The following DMD variants were observed in gnomAD, a reference collection of about 807,000 sequenced individuals.
DMD encodes the protein dystrophin.
A neutral mutation model predicts 330.1 loss-of-function variants in DMD; 63 were observed. The ratio of observed to expected loss-of-function variants is 0.19; its 90% CI spans 0.16 to 0.24. The LOEUF (loss-of-function observed/expected upper bound fraction) is 0.24, where lower values mean the gene tolerates loss of function less well. Among genes scored for constraint, DMD ranks in the 10% least tolerant of loss-of-function variants. DMD has a pLI of 1.00. For synonymous variants in DMD, 1,223 were observed against 959.8 expected (o/e 1.27, Z -5.07); for missense variants, 3,344 against 2,684.1 (o/e 1.25, Z -5.43).
chrX:32,026,474 C>T (rs2095846253), intron 44 of DMD, among the ~76,000 whole-genome samples: 1 of 112,149 alleles, frequency 8.9e-6, no homozygotes, highest in Non-Finnish European at 1.9e-5. Flanking sequence ...AAGAAAGAAA[C>T]TGTTATATAT....
intron 50 of DMD, among the ~76,000 whole-genome samples, chrX:31,796,797 G>C (rs2091852565): frequency 9.0e-6 from 1 of 111,443 alleles, no homozygotes; most frequent in African/African-American, 3.3e-5. Flanking sequence ...TGCCCTTCCT[G>C]GGGGCAGGTT....
At chrX:31,161,083 T>C (rs889285107) in intron 74 of DMD, among the ~76,000 whole-genome samples, 9 of 111,591 alleles carry the variant, frequency 8.1e-5, no homozygotes, top group Non-Finnish European at 1.7e-4. Context: ...AAATAGGAGT[T>C]CATATGTACT....
intron 12 of DMD, among the ~76,000 whole-genome samples, chrX:32,597,812 C>T (rs1040479864): frequency 8.9e-6 from 1 of 112,034 alleles, no homozygotes; most frequent in Non-Finnish European, 1.9e-5. Flanking sequence ...TAAGACCTTA[C>T]CCTGTTACAC....
chrX:31,282,759 A>G (rs1241700157), intron 62 of DMD, among the ~76,000 whole-genome samples: 1 of 111,164 alleles, frequency 9.0e-6, no homozygotes, highest in East Asian at 2.8e-4. Context: ...AAAAACAAAG[A>G]TCATGCATGA....
At chrX:32,086,829 C>T (rs1294177963) in intron 44 of DMD, among the ~76,000 whole-genome samples, 1 of 111,632 alleles carries the variant, frequency 9.0e-6, no homozygotes, top group Non-Finnish European at 1.9e-5. Flanking sequence ...CAAAAAAAGT[C>T]TTCCGAAGAA....
intron 44 of DMD, among the ~76,000 whole-genome samples, chrX:32,142,173 G>T (rs1367977537): frequency 9.0e-6 from 1 of 111,158 alleles, no homozygotes; most frequent in African/African-American, 3.3e-5. Context: ...CCTACCCAAA[G>T]CCCTGAGGCT....
intron 7 of DMD, among the ~76,000 whole-genome samples, chrX:32,727,273 C>G (rs17318432): frequency 9.0e-6 from 1 of 110,930 alleles, no homozygotes; most frequent in Non-Finnish European, 1.9e-5. Context: ...GTCTTATGTT[C>G]GCACACATTA....
chrX:32,995,985 T>C (rs1179687028), intron 2 of DMD, among the ~76,000 whole-genome samples: 1 of 111,970 alleles, frequency 8.9e-6, no homozygotes, highest in African/African-American at 3.2e-5. Context: ...TTATATTTAA[T>C]GGTGGTAAAG....
intron 21 of DMD, among the ~76,000 whole-genome samples, chrX:32,476,454 A>T (rs1206542357): frequency 9.0e-6 from 1 of 111,645 alleles, no homozygotes; most frequent in Non-Finnish European, 1.9e-5. Flanking sequence ...ACTTCCAAAG[A>T]TTGGTTTGGG....
chrX:31,864,796 C>G (rs1241559820), intron 48 of DMD, among the ~76,000 whole-genome samples: 2 of 111,628 alleles, frequency 1.8e-5, no homozygotes, highest in African/African-American at 6.5e-5. Context: ...TGGCTGAAAG[C>G]CTAATTTTTA....
intron 52 of DMD, among the ~76,000 whole-genome samples, chrX:31,686,254 T>C (rs1213291461): frequency 8.9e-6 from 1 of 112,720 alleles, no homozygotes; most frequent in Non-Finnish European, 1.9e-5. Flanking sequence ...AAATGAGTTG[T>C]ACATGTAGAT....
intron 51 of DMD, among the ~76,000 whole-genome samples, chrX:31,739,778 A>T (rs997293833): frequency 1.8e-5 from 2 of 108,782 alleles, no homozygotes; most frequent in Non-Finnish European, 3.8e-5. Context: ...AAGTAAAATT[A>T]AAAAACTAAA....
At chrX:33,092,278 C>T (rs1160726783) in intron 1 of DMD, among the ~76,000 whole-genome samples, 2 of 111,797 alleles carry the variant, frequency 1.8e-5, no homozygotes, top group East Asian at 5.6e-4. Flanking sequence ...AAAAGTTGTG[C>T]TTTATAATAT....
At chrX:32,938,255 C>T (rs754471473) in intron 2 of DMD, among the ~76,000 whole-genome samples, 3 of 111,262 alleles carry the variant, frequency 2.7e-5, no homozygotes, top group African/African-American at 9.8e-5. Context: ...AAAGGGTTAT[C>T]GAATTTATCG....
chrX:32,441,628 T>C (rs896375498), intron 27 of DMD, among the ~76,000 whole-genome samples: 3 of 111,730 alleles, frequency 2.7e-5, no homozygotes, highest in African/African-American at 9.7e-5. Flanking sequence ...TAAAAATGCA[T>C]ATGTAAATCT....
At chrX:33,131,012 C>T (rs1278708919) in intron 1 of DMD, among the ~76,000 whole-genome samples, 1 of 111,524 alleles carries the variant, frequency 9.0e-6, no homozygotes, top group African/African-American at 3.3e-5. Context: ...GTTTTTCAGT[C>T]ATCCAACTAA....
intron 47 of DMD, among the ~76,000 whole-genome samples, chrX:31,891,768 T>C (rs1304638254): frequency 1.8e-5 from 2 of 111,677 alleles, no homozygotes; most frequent in Non-Finnish European, 3.8e-5. Context: ...GAAAGTTTGC[T>C]GACCTCTGCT....
Position 32,510,565 on chromosome X carries a change from A to AT in DMD, c.2292+7442dup, listed in dbSNP as rs1176187670. On this transcript the variant is annotated intron_variant, in intron 18 of 78. Transcript: ENST00000357033. ...CTTCTCTACTCTATCCCAAGTCTCC[A>AT]TGAAAGTGGCTGGTACATTATAGGT... Among the ~76,000 whole-genome samples the AT allele has an allele frequency of 2.7e-5, 3 of 111,852 alleles. No individual in the cohort carries two copies. The East Asian group carries it at 8.4e-4, about 31-fold the overall frequency.
intron 61 of DMD, among the ~76,000 whole-genome samples, chrX:31,339,390 C>T (rs187844891): frequency 2.7e-5 from 3 of 111,474 alleles, no homozygotes; most frequent in Non-Finnish European, 5.6e-5. Context: ...GCATTATCAG[C>T]ATCACTGGTA....
Sources: gnomAD v4.1 joint callset for allele counts (sites outside exome capture counted in the v4.1 genomes callset) on GRCh38, gnomAD v4.1.1 for gene constraint, MANE v1.5 for transcripts, NCBI Gene and HGNC (gene_info 2026-07-23, HGNC 2026-07-21) for gene names.